RPH3AL: variants seen among roughly 807,000 people sequenced by gnomAD.
The protein encoded by RPH3AL is rab effector Noc2.
Under a neutral mutation model 43.1 loss-of-function variants are expected in RPH3AL, and 38 were observed. The observed-to-expected ratio is 0.88, with a 90% CI of 0.68 to 1.15. RPH3AL has a LOEUF of 1.15. Among genes scored for constraint, RPH3AL ranks in the 50% most tolerant of loss-of-function variants. The pLI, the probability that RPH3AL is intolerant of heterozygous loss-of-function variation, is 0.00. For missense variants in RPH3AL, 462 were observed against 423.2 expected, an observed-to-expected ratio of 1.09 and a Z score of -0.81; for synonymous variants, 189 against 176.3, an observed-to-expected ratio of 1.07 and a Z score of -0.57.
At chr17:241,312 C>T (rs991393988) in intron 7 of RPH3AL, among the ~76,000 whole-genome samples, 4 of 152,016 alleles carry the variant, frequency 2.6e-5, no homozygotes, top group African/African-American at 9.7e-5. Flanking sequence ...AGGAGGATCA[C>T]GTGAGCCCAG....
intron 6 of RPH3AL, among the ~76,000 whole-genome samples, chr17:268,553 GTTTTTTTT>G (rs5818749): frequency 9.4e-5 from 7 of 74,516 alleles, no homozygotes; most frequent in South Asian, 6.1e-4. Context: ...ATGTTTTTGG[GTTTTTTTT>G]TTTTTTTTTT....
At chr17:308,235 T>C (rs992389259) in intron 5 of RPH3AL, among the ~76,000 whole-genome samples, 7 of 152,170 alleles carry the variant, frequency 4.6e-5, no homozygotes, top group Admixed American at 4.6e-4. Context: ...GGACGGGCAC[T>C]GAGGATTAGC....
chr17:299,647 C>T (rs1190113812), intron 5 of RPH3AL, among the ~76,000 whole-genome samples: 1 of 152,194 alleles, frequency 6.6e-6, no homozygotes, highest in East Asian at 1.9e-4. Context: ...GACTGGAGGC[C>T]GGTGAAGAAT....
At chr17:260,099 C>T (rs1597959876) in intron 6 of RPH3AL, among the ~76,000 whole-genome samples, 1 of 152,316 alleles carries the variant, frequency 6.6e-6, no homozygotes, top group East Asian at 1.9e-4. Flanking sequence ...GAGCTCTTCA[C>T]TGGCCCAGGC....
intron 5 of RPH3AL, among the ~76,000 whole-genome samples, chr17:313,820 A>G (rs969233152): frequency 3.3e-5 from 5 of 152,128 alleles, no homozygotes; most frequent in African/African-American, 7.2e-5. Context: ...CACCTTCTCC[A>G]AGAAGGAAGA....
At chr17:314,955 C>A (rs2043878580) in intron 5 of RPH3AL, among the ~76,000 whole-genome samples, 1 of 143,384 alleles carries the variant, frequency 7.0e-6, no homozygotes, top group African/African-American at 2.8e-5. Context: ...TCTCTGTGCT[C>A]CACCTCCATT....
chr17:331,790 C>T (rs1598149190), intron 2 of RPH3AL: 1 of 1,289,148 alleles, frequency 7.8e-7, no homozygotes, highest in Non-Finnish European at 1.0e-6. Context: ...TGACCCTTCT[C>T]TCTTAAAAGC....
chr17:277,961 AC>A (rs201463114), intron 6 of RPH3AL, among the ~76,000 whole-genome samples: 191 of 152,088 alleles, frequency 1.3e-3, no homozygotes, highest in Middle Eastern at 3.4e-3. Context: ...TCTCAAAAAA[AC>A]AAAACAAATA....
At position 264,848 on chromosome 17, in the gene RPH3AL, G is replaced by T. The variant is rs186311256; in HGVS notation, c.438+16920C>A. 6.6e-6 allele frequency among the ~76,000 whole-genome samples: 1 copy of T among 152,190 alleles called. No individual in the cohort carries two copies. Among genetic ancestry groups the T allele is most frequent in the Non-Finnish European group, 1.5e-5 (1 of 68,040 alleles). ...TAAACATCTCAAGAATGGGGAACTCGTGGTACCTGAAAATTCACAGTGGTC... is the reference window on the plus strand; with the variant it reads ...TAAACATCTCAAGAATGGGGAACTCTTGGTACCTGAAAATTCACAGTGGTC... On this transcript the variant is annotated intron_variant, in intron 6 of 9. Coordinates refer to ENST00000331302, the MANE Select transcript of RPH3AL (RefSeq NM_006987.4). The surrounding 1 kb of genome is among the most constrained non-coding windows in gnomAD (Gnocchi z 4.8).
chr17:312,372 G>C (rs964137459), intron 5 of RPH3AL, among the ~76,000 whole-genome samples: 1 of 152,170 alleles, frequency 6.6e-6, no homozygotes, highest in Non-Finnish European at 1.5e-5. Context: ...ACACGGAGAA[G>C]GCAGCTGTCT....
chr17:247,371 C>T lies in RPH3AL; in HGVS notation c.439-86G>A, dbSNP rs1014611833. The T allele has an allele frequency of 4.0e-5, 54 of 1,361,584 alleles. 1 individual carries two copies. The South Asian group carries it at 5.2e-4, about 13-fold the overall frequency. The allele number at this position is 1,361,584 out of a possible 1,614,324, so 84.3% of individuals were successfully genotyped here. A position where few individuals can be genotyped will look rare whatever the true frequency, so the allele number is the denominator to read the frequency against. ...CTTGCCCAGATGACGGGAGGCAGGA[C>T]GCGGAGAGCTAGGAGCAGAGTGGGA... On this transcript the variant is annotated intron_variant, in intron 6 of 9. Transcript: ENST00000331302.
At chr17:224,415 G>A (rs1385031816) in intron 7 of RPH3AL, among the ~76,000 whole-genome samples, 1 of 152,324 alleles carries the variant, frequency 6.6e-6, no homozygotes, top group East Asian at 1.9e-4. Flanking sequence ...TGCCCAGAAT[G>A]CCCTGCCCAC....
chr17:271,814 G>A (rs1285088852), intron 6 of RPH3AL, among the ~76,000 whole-genome samples: 1 of 152,160 alleles, frequency 6.6e-6, no homozygotes, highest in Non-Finnish European at 1.5e-5. Context: ...TGTTGAATAG[G>A]AGTGGCGAGA....
At chr17:235,823 C>T (rs374539812) in intron 7 of RPH3AL, among the ~76,000 whole-genome samples, 2 of 91,190 alleles carry the variant, frequency 2.2e-5, no homozygotes, top group South Asian at 3.9e-4. Flanking sequence ...TGGGGTCGGC[C>T]GAGGCTCTAC....
rs576446021 is a variant in RPH3AL, at chr17:236,607, C to T, written c.613+10504G>A. Among the ~76,000 whole-genome samples the T allele has an allele frequency of 4.8e-3, 736 of 152,296 alleles. 8 individuals carry two copies. The highest frequency in any genetic ancestry group is 0.017 in the African/African-American group (703 of 41,576). On this transcript the variant is annotated intron_variant, in intron 7 of 9. Coordinates refer to ENST00000331302, the MANE Select transcript of RPH3AL (RefSeq NM_006987.4). ...GGCTGGCAAGCTGCAGAGCGGGCGT[C>T]GGGAGCACAGAGCTGGCACAAGTAG...
chr17:253,271 T>C lies in RPH3AL; in HGVS notation c.439-5986A>G, dbSNP rs549899609. Among the ~76,000 whole-genome samples, 6 of 152,256 alleles carry C rather than the reference T, an allele frequency of 3.9e-5. No individual in the cohort carries two copies. In the East Asian group the frequency reaches 5.8e-4, roughly 15 times the overall value. ...ACGCCCAGCCAGTCAAGGCCCTGTT[T>C]AACGGGGAGTGGCCAGGTTGATGCT... On this transcript the variant is annotated intron_variant, in intron 6 of 9. Transcript: ENST00000331302.
chr17:334,857 C>A (rs553682589), intron 1 of RPH3AL, among the ~76,000 whole-genome samples: 1 of 121,134 alleles, frequency 8.3e-6, no homozygotes, highest in South Asian at 2.9e-4. Context: ...TCCCCCAGGG[C>A]CAGCCCATCC....
At position 213,568 on chromosome 17, in the gene RPH3AL, T is replaced by C; in HGVS notation, c.*284A>G. The C allele has an allele frequency of 7.5e-6, 4 of 534,570 alleles. No homozygotes were observed. Among genetic ancestry groups the C allele is most frequent in the Non-Finnish European group, 1.3e-5 (4 of 296,690 alleles). 33.1% of individuals were successfully genotyped at this position (534,570 alleles called of 1,614,324 possible). ...AGCCCAACCCAAGACACGCGCAAAC[T>C]TAAAATCATCACCAGGTAGATTGGG... On this transcript the variant is annotated 3_prime_UTR_variant, in exon 10 of 10. Coordinates refer to ENST00000331302, the MANE Select transcript of RPH3AL (RefSeq NM_006987.4).
rs535759675 is a variant in RPH3AL at position 253,093 on chromosome 17, G to A, written c.439-5808C>T. ...ATCCAAGGCCTCCTCTGTGGACCCT[G>A]ATCGGGGAAGGTTCCCAGGGAACCA... is the stretch of plus-strand genomic sequence containing the variant. On this transcript the variant is annotated intron_variant, in intron 6 of 9. Transcript: ENST00000331302. Among the ~76,000 whole-genome samples, 3 of 152,324 alleles carry A rather than the reference G, an allele frequency of 2.0e-5. No individual in the cohort carries two copies. The East Asian group carries it at 5.8e-4, about 29-fold the overall frequency.
Sources: gnomAD v4.1 joint callset for allele counts (sites outside exome capture counted in the v4.1 genomes callset) on GRCh38, gnomAD v4.1.1 for gene constraint, Gnocchi (gnomAD v3.1) non-coding constraint, MANE v1.5 for transcripts, NCBI Gene and HGNC (gene_info 2026-07-23, HGNC 2026-07-21) for gene names.